The following PTPRG variants were observed in gnomAD, a reference collection of about 807,000 sequenced individuals.
PTPRG encodes protein tyrosine phosphatase receptor type G, also known as receptor-type tyrosine-protein phosphatase gamma.
In PTPRG, 102 loss-of-function variants were observed where a neutral mutation model predicts 165.3. The observed-to-expected ratio is 0.62, with a 90% CI of 0.53 to 0.73. The LOEUF is 0.73. Ranked by LOEUF, PTPRG falls within the 30% of genes least tolerant of loss-of-function variation. The pLI, the probability that PTPRG is intolerant of heterozygous loss-of-function variation, is 0.00. For synonymous variants in PTPRG, 675 were observed against 669.5 expected, an observed-to-expected ratio of 1.01 and a Z score of -0.13; for missense variants, 1,866 against 1,861.4, an observed-to-expected ratio of 1.00 and a Z score of -0.05.
At chr3:61,893,100 T>C (rs890905696) in intron 2 of PTPRG, among the ~76,000 whole-genome samples, 2 of 152,208 alleles carry the variant, frequency 1.3e-5, no homozygotes, top group Admixed American at 6.5e-5. Context: ...GCTGATGAGG[T>C]GCAGATGAAT....
chr3:61,901,471 G>A (rs1421661356), intron 2 of PTPRG, among the ~76,000 whole-genome samples: 1 of 152,190 alleles, frequency 6.6e-6, no homozygotes, highest in Non-Finnish European at 1.5e-5. Context: ...TATACACTGA[G>A]ATGAGGTAGA....
intron 6 of PTPRG, among the ~76,000 whole-genome samples, chr3:62,135,792 G>A (rs1703687745): frequency 6.6e-6 from 1 of 152,136 alleles, no homozygotes; most frequent in Admixed American, 6.6e-5. Context: ...TGCAAGGAGA[G>A]AGGTGAGCTA....
chr3:61,566,261 G>T (rs1286472559), intron 1 of PTPRG, among the ~76,000 whole-genome samples: 1 of 152,100 alleles, frequency 6.6e-6, no homozygotes, highest in East Asian at 1.9e-4. Context: ...CTGAATAAAA[G>T]ATTATGTTGT....
chr3:62,186,286 C>A (rs984411459), intron 8 of PTPRG, among the ~76,000 whole-genome samples: 3 of 152,164 alleles, frequency 2.0e-5, no homozygotes. Context: ...TGATTTTGTA[C>A]ATGGAATCCT....
chr3:62,186,567 C>CTTT lies in PTPRG; in HGVS notation c.1034-4887_1034-4885dup, dbSNP rs35133425. Among the ~76,000 whole-genome samples the CTTT allele has an allele frequency of 9.4e-3, 1,108 of 117,498 alleles. 42 individuals are homozygous for CTTT. Among genetic ancestry groups the CTTT allele is most frequent in the African/African-American group, 0.036 (1,036 of 28,746 alleles). 77.1% of individuals were successfully genotyped at this position (117,498 alleles called of 152,430 possible). On this transcript the variant is annotated intron_variant, in intron 8 of 29. Coordinates refer to ENST00000474889, the MANE Select transcript of PTPRG (RefSeq NM_002841.4). ...GTTGAAGCTGGATTTTTTTCTTTTC[C>CTTT]TTTTTTTTTTTTTTTTTGAGATAGG...
chr3:61,916,557 A>G (rs1269441374), intron 2 of PTPRG, among the ~76,000 whole-genome samples: 1 of 152,220 alleles, frequency 6.6e-6, no homozygotes, highest in Non-Finnish European at 1.5e-5. Context: ...TGAGATCATG[A>G]TAATTTAGAT....
intron 1 of PTPRG, among the ~76,000 whole-genome samples, chr3:61,748,132 G>A (rs957902939): frequency 9.9e-5 from 15 of 152,180 alleles, no homozygotes; most frequent in Non-Finnish European, 2.2e-4. Flanking sequence ...TCTTTTGTGG[G>A]CATTGTGGGC....
At chr3:62,206,933 A>AAAAAAC (rs1248901756) in intron 12 of PTPRG, among the ~76,000 whole-genome samples, 3 of 146,172 alleles carry the variant, frequency 2.1e-5, no homozygotes, top group African/African-American at 8.0e-5. Context: ...AAAAAAAAAA[A>AAAAAAC]AAAAAAGAAG....
chr3:61,745,051 CTTTT>C (rs10669472), intron 1 of PTPRG, among the ~76,000 whole-genome samples: 1 of 111,626 alleles, frequency 9.0e-6, no homozygotes, highest in East Asian at 2.5e-4. Context: ...CATTCCCTCA[CTTTT>C]TTTTTTTTTT....
At chr3:61,887,120 A>G (rs995625611) in intron 2 of PTPRG, among the ~76,000 whole-genome samples, 5 of 40,854 alleles carry the variant, frequency 1.2e-4, no homozygotes, top group East Asian at 1.7e-3. Context: ...TAACCATAGC[A>G]TGCATATATA....
intron 2 of PTPRG, among the ~76,000 whole-genome samples, chr3:61,785,979 C>A (rs1023345819): frequency 6.6e-6 from 1 of 152,302 alleles, no homozygotes; most frequent in South Asian, 2.1e-4. Flanking sequence ...TCTCCCCAGT[C>A]ACACTTTTTC....
chr3:61,690,789 G>C (rs2030146478), intron 1 of PTPRG, among the ~76,000 whole-genome samples: 1 of 151,888 alleles, frequency 6.6e-6, no homozygotes, highest in East Asian at 1.9e-4. Flanking sequence ...TTTTGGGCTT[G>C]TGTCAGGCTT....
At chr3:62,152,550 C>T (rs781734180) in intron 6 of PTPRG, among the ~76,000 whole-genome samples, 4 of 152,128 alleles carry the variant, frequency 2.6e-5, no homozygotes, top group Non-Finnish European at 4.4e-5. Context: ...AAAATTGTTT[C>T]TAATTTGTAA....
intron 6 of PTPRG, among the ~76,000 whole-genome samples, chr3:62,138,239 C>T (rs192770863): frequency 1.2e-4 from 18 of 152,238 alleles, no homozygotes. Context: ...AAATAAACAG[C>T]AAGTACTAAG....
intron 2 of PTPRG, among the ~76,000 whole-genome samples, chr3:61,899,715 G>A (rs1198644245): frequency 6.6e-6 from 1 of 152,152 alleles, no homozygotes; most frequent in Non-Finnish European, 1.5e-5. Flanking sequence ...AGTAGATTTG[G>A]GGGCAGGGGG....
chr3:61,994,406 T>G (rs887000792), intron 3 of PTPRG, among the ~76,000 whole-genome samples: 2 of 152,254 alleles, frequency 1.3e-5, no homozygotes, highest in Non-Finnish European at 2.9e-5. Flanking sequence ...TACTTTCATC[T>G]TCTCACATTG....
chr3:62,025,929 A>G (rs1306245080), intron 4 of PTPRG, among the ~76,000 whole-genome samples: 1 of 152,206 alleles, frequency 6.6e-6, no homozygotes, highest in Non-Finnish European at 1.5e-5. Context: ...TCTAATCACA[A>G]GTTTTTGAAA....
chr3:62,005,231 T>A (rs1408928556), intron 4 of PTPRG, among the ~76,000 whole-genome samples: 1 of 152,228 alleles, frequency 6.6e-6, no homozygotes, highest in African/African-American at 2.4e-5. Flanking sequence ...AATAACGATA[T>A]CTTTCATGAG....
At chr3:61,784,882 T>C (rs528003087) in intron 2 of PTPRG, among the ~76,000 whole-genome samples, 2 of 152,302 alleles carry the variant, frequency 1.3e-5, no homozygotes, top group South Asian at 4.2e-4. Context: ...AGCTTAATAG[T>C]CTGAAAACGG....
Sources: allele counts gnomAD v4.1 joint callset (sites outside exome capture counted in the v4.1 genomes callset), GRCh38; gene constraint gnomAD v4.1.1; transcripts MANE v1.5; gene names NCBI Gene and HGNC (gene_info 2026-07-23, HGNC 2026-07-21).